CCDC192: variants seen among roughly 807,000 people sequenced by gnomAD.
The protein encoded by CCDC192 is coiled-coil domain containing 192.
rs1752621460 is a variant in CCDC192, at chr5:127,888,066, T to A, written c.535+12405T>A. ...TGAGAACTCCTTTAAAATACATATT[T>A]TTAATTTTCAATTTTTAATACCTTA... On this transcript the variant is annotated intron_variant, in intron 6 of 6. Coordinates refer to ENST00000514853, the MANE Select transcript of CCDC192 (RefSeq NM_001317938.2). Among the ~76,000 whole-genome samples, 9 of 152,238 alleles carry A rather than the reference T, an allele frequency of 5.9e-5. No homozygotes were observed. In the South Asian group the frequency reaches 1.9e-3, roughly 32 times the overall value.
chr5:127,753,474 G>T (rs936141010), intron 2 of CCDC192, among the ~76,000 whole-genome samples: 1 of 152,100 alleles, frequency 6.6e-6, no homozygotes, highest in African/African-American at 2.4e-5. Context: ...GAGGCGGGCA[G>T]ATCACGAGGT....
chr5:127,757,168 A>T (rs907816067), intron 3 of CCDC192, among the ~76,000 whole-genome samples: 3 of 152,206 alleles, frequency 2.0e-5, no homozygotes, highest in Non-Finnish European at 4.4e-5. Context: ...ATTGGAAGAC[A>T]TGGAGAATGA....
At chr5:127,771,161 A>G (rs148241396) in intron 3 of CCDC192, among the ~76,000 whole-genome samples, 14 of 152,328 alleles carry the variant, frequency 9.2e-5, no homozygotes, top group African/African-American at 3.1e-4. Flanking sequence ...CTGGAAGTCT[A>G]TAGGTGCCAT....
At position 127,846,220 on chromosome 5, in the gene CCDC192, C is replaced by T. The variant is rs961439908; in HGVS notation, c.412-29318C>T. On this transcript the variant is annotated intron_variant, in intron 5 of 6. Transcript: ENST00000514853. The stretch of plus-strand genomic sequence containing the variant: ...AGAAGAATTCCTTGAACCCGGGAGG[C>T]GGAGGTTGCAGTGAGCCAAGATCGT... Among the ~76,000 whole-genome samples, 12 of 149,286 alleles carry T rather than the reference C, an allele frequency of 8.0e-5. No homozygotes were observed. In the East Asian group the frequency reaches 1.8e-3, roughly 22 times the overall value.
chr5:127,825,108 G>C (rs532306639), intron 5 of CCDC192, among the ~76,000 whole-genome samples: 4 of 152,298 alleles, frequency 2.6e-5, no homozygotes, highest in African/African-American at 9.6e-5. Context: ...TTTTCTTGAA[G>C]AGTTTTAAGG....
intron 3 of CCDC192, among the ~76,000 whole-genome samples, chr5:127,789,602 A>G (rs1756750031): frequency 6.6e-6 from 1 of 152,250 alleles, no homozygotes; most frequent in South Asian, 2.1e-4. Context: ...CTGTTTGTTA[A>G]GGAGATTGGT....
intron 2 of CCDC192, among the ~76,000 whole-genome samples, chr5:127,735,669 T>C (rs1254048623): frequency 7.6e-6 from 1 of 131,182 alleles, no homozygotes; most frequent in Admixed American, 8.0e-5. Flanking sequence ...GATTCCTAGG[T>C]ATTTTATTCT....
At chr5:127,821,681 G>GA (rs922859416) in intron 5 of CCDC192, among the ~76,000 whole-genome samples, 11 of 151,992 alleles carry the variant, frequency 7.2e-5, no homozygotes, top group African/African-American at 2.4e-4. Context: ...CAGAGTTATA[G>GA]AAAAAAAGGG....
intron 2 of CCDC192, among the ~76,000 whole-genome samples, chr5:127,708,887 C>G (rs891945369): frequency 6.6e-6 from 1 of 151,976 alleles, no homozygotes; most frequent in South Asian, 2.1e-4. Context: ...CGTTGGAATC[C>G]CGGCATCACT....
intron 6 of CCDC192, among the ~76,000 whole-genome samples, chr5:127,918,030 GA>G (rs1753577316): frequency 6.6e-6 from 1 of 151,972 alleles, no homozygotes; most frequent in African/African-American, 2.4e-5. Context: ...AGCTATTCAG[GA>G]GGCTGAGGTG....
At chr5:127,874,359 T>C (rs1289209299) in intron 5 of CCDC192, among the ~76,000 whole-genome samples, 1 of 152,232 alleles carries the variant, frequency 6.6e-6, no homozygotes, top group Non-Finnish European at 1.5e-5. Context: ...GTCTAGAAGA[T>C]AACCTGATCT....
chr5:127,897,971 GA>G (rs1344023091), intron 6 of CCDC192, among the ~76,000 whole-genome samples: 3 of 152,306 alleles, frequency 2.0e-5, no homozygotes, highest in Admixed American at 6.5e-5. Flanking sequence ...TAATCATTGT[GA>G]AAGTGCTCAC....
At chr5:127,822,313 G>A (rs1749329504) in intron 5 of CCDC192, among the ~76,000 whole-genome samples, 1 of 152,138 alleles carries the variant, frequency 6.6e-6, no homozygotes, top group African/African-American at 2.4e-5. Flanking sequence ...TGGGTCTTAG[G>A]AAACAGAGAG....
chr5:127,719,856 T>G (rs1418093054), intron 2 of CCDC192, among the ~76,000 whole-genome samples: 1 of 151,510 alleles, frequency 6.6e-6, no homozygotes, highest in Admixed American at 6.6e-5. Context: ...CACATGCTTT[T>G]TAAACCACCA....
At chr5:127,740,048 G>T (rs1324854088) in intron 2 of CCDC192, 1 of 152,308 alleles carries the variant, frequency 6.6e-6, no homozygotes, top group African/African-American at 2.4e-5. Context: ...TTGGGAAGGA[G>T]CTCCTGGCTT....
intron 6 of CCDC192, among the ~76,000 whole-genome samples, chr5:127,938,332 C>T (rs1345756106): frequency 2.0e-5 from 3 of 152,156 alleles, no homozygotes; most frequent in African/African-American, 4.8e-5. Flanking sequence ...TTTTGCCAAA[C>T]TTTGATTTCC....
intron 6 of CCDC192, among the ~76,000 whole-genome samples, chr5:127,929,418 G>C (rs1753956834): frequency 6.6e-6 from 1 of 152,112 alleles, no homozygotes; most frequent in African/African-American, 2.4e-5. Context: ...ATGAGGGATG[G>C]GGTGAAATTT....
chr5:127,760,265 G>GT (rs1561472314), intron 3 of CCDC192, among the ~76,000 whole-genome samples: 4 of 45,120 alleles, frequency 8.9e-5, no homozygotes, highest in African/African-American at 3.1e-4. Flanking sequence ...TTAATACAGT[G>GT]GTTTTTTTTT....
chr5:127,834,688 T>C (rs1580727829), intron 5 of CCDC192, among the ~76,000 whole-genome samples: 1 of 152,186 alleles, frequency 6.6e-6, no homozygotes, highest in Admixed American at 6.5e-5. Flanking sequence ...GTGCAAACAC[T>C]AATCTCCCGG....
Sources: allele counts gnomAD v4.1 joint callset (sites outside exome capture counted in the v4.1 genomes callset), GRCh38; gene constraint gnomAD v4.1.1; transcripts MANE v1.5; gene names NCBI Gene and HGNC (gene_info 2026-07-23, HGNC 2026-07-21).